Variants in DNER observed in about 807,000 individuals in gnomAD.
DNER encodes the protein delta and Notch-like epidermal growth factor-related receptor.
A neutral mutation model predicts 78.2 loss-of-function variants in DNER; 33 were observed. That is an observed-to-expected ratio of 0.42 (90% CI 0.32 to 0.56). DNER has a LOEUF of 0.56. Among genes scored for constraint, DNER ranks in the 20% least tolerant of loss-of-function variants. The pLI, the probability that DNER is intolerant of heterozygous loss-of-function variation, is 0.11. For synonymous variants in DNER, 417 were observed against 384.8 expected (o/e 1.08, Z -0.98); for missense variants, 918 against 975.3 (o/e 0.94, Z 0.78).
chr2:229,539,608 A>G (rs1234995037), intron 5 of DNER, among the ~76,000 whole-genome samples: 2 of 152,222 alleles, frequency 1.3e-5, no homozygotes, highest in Non-Finnish European at 2.9e-5. Flanking sequence ...CTCAAAACTC[A>G]GACAACTGGA....
At chr2:229,576,098 A>G (rs940213425) in intron 4 of DNER, among the ~76,000 whole-genome samples, 3 of 152,124 alleles carry the variant, frequency 2.0e-5, no homozygotes, top group Non-Finnish European at 4.4e-5. Flanking sequence ...TACCCCCACC[A>G]TTGCAGTGAG....
intron 1 of DNER, among the ~76,000 whole-genome samples, chr2:229,680,978 G>C (rs755766503): frequency 4.6e-5 from 7 of 152,190 alleles, no homozygotes; most frequent in Non-Finnish European, 8.8e-5. Flanking sequence ...GGAGTGGAGA[G>C]GAAGTTAATC....
At chr2:229,391,672 G>C (rs1693019070) in intron 10 of DNER, among the ~76,000 whole-genome samples, 1 of 152,142 alleles carries the variant, frequency 6.6e-6, no homozygotes, top group Non-Finnish European at 1.5e-5. Context: ...CTCCCCAGTA[G>C]CTGGGATTAC....
intron 4 of DNER, among the ~76,000 whole-genome samples, chr2:229,574,064 A>G (rs1697256178): frequency 6.6e-6 from 1 of 152,330 alleles, no homozygotes; most frequent in South Asian, 2.1e-4. Flanking sequence ...GTACACGTAA[A>G]TTTCAAGTTG....
chr2:229,365,603 A>AT lies in DNER; in HGVS notation c.2102+1269dup, dbSNP rs375739844. Among the ~76,000 whole-genome samples the AT allele has an allele frequency of 4.1e-3, 628 of 152,228 alleles. 6 individuals carry two copies. The highest frequency in any genetic ancestry group is 0.014 in the African/African-American group (590 of 41,534). ...AGGCACCCGCCACCATGCCTGGCTA[A>AT]TTTTTGTATTTTAGTAGAGACAGGG... On this transcript the variant is annotated intron_variant, in intron 12 of 12. Transcript: ENST00000341772.
At chr2:229,497,780 G>A (rs1428463067) in intron 6 of DNER, among the ~76,000 whole-genome samples, 1 of 152,060 alleles carries the variant, frequency 6.6e-6, no homozygotes, top group Admixed American at 6.6e-5. Flanking sequence ...TAGAAAATGT[G>A]AACAGACCAA....
At chr2:229,439,462 G>A (rs1694189914) in intron 8 of DNER, among the ~76,000 whole-genome samples, 1 of 152,164 alleles carries the variant, frequency 6.6e-6, no homozygotes, top group Non-Finnish European at 1.5e-5. Context: ...AAGTAATGCT[G>A]ATAGAGGCCA....
chr2:229,627,167 G>A (rs1698359666), intron 1 of DNER, among the ~76,000 whole-genome samples: 1 of 152,164 alleles, frequency 6.6e-6, no homozygotes, highest in African/African-American at 2.4e-5. Context: ...AATATCTAGT[G>A]CCAGCCTCAG....
At chr2:229,586,680 C>G in intron 3 of DNER, 1 of 985,536 alleles carries the variant, frequency 1.0e-6, no homozygotes, top group Non-Finnish European at 1.2e-6. Flanking sequence ...TACCCCAACC[C>G]AGTTCTTTCT....
intron 8 of DNER, among the ~76,000 whole-genome samples, chr2:229,439,697 G>T (rs72984772): frequency 6.6e-6 from 1 of 152,188 alleles, no homozygotes; most frequent in Non-Finnish European, 1.5e-5. Context: ...CAAAATAGTG[G>T]TAGGGAGGTC....
At chr2:229,619,130 CCT>C (rs1698212779) in intron 1 of DNER, among the ~76,000 whole-genome samples, 1 of 151,252 alleles carries the variant, frequency 6.6e-6, no homozygotes, top group Admixed American at 6.6e-5. Context: ...AAAGTGAAAC[CCT>C]GTCTCTAAAA....
intron 1 of DNER, among the ~76,000 whole-genome samples, chr2:229,675,263 C>T (rs1376651078): frequency 1.3e-5 from 2 of 152,204 alleles, no homozygotes; most frequent in South Asian, 2.1e-4. Flanking sequence ...AGAGGGAGAA[C>T]TTCTGAACTG....
intron 1 of DNER, among the ~76,000 whole-genome samples, chr2:229,691,989 A>G (rs1009148588): frequency 1.3e-5 from 2 of 152,214 alleles, no homozygotes; most frequent in South Asian, 2.1e-4. Context: ...GTCAGAAGTC[A>G]CTATTCAGAA....
chr2:229,434,175 G>A (rs1410704536), intron 8 of DNER, among the ~76,000 whole-genome samples: 2 of 152,302 alleles, frequency 1.3e-5, no homozygotes, highest in East Asian at 1.9e-4. Flanking sequence ...TGCAGACCAC[G>A]ATTATCTTTC....
intron 1 of DNER, among the ~76,000 whole-genome samples, chr2:229,653,756 C>T (rs1698862190): frequency 6.6e-6 from 1 of 152,178 alleles, no homozygotes; most frequent in Admixed American, 6.5e-5. Context: ...GACTTCTTTC[C>T]CTGCTGTGGC....
At chr2:229,378,819 A>C (rs1304903922) in intron 11 of DNER, among the ~76,000 whole-genome samples, 1 of 152,020 alleles carries the variant, frequency 6.6e-6, no homozygotes, top group South Asian at 2.1e-4. Context: ...AAATGTACGA[A>C]TTCTGTGTGC....
intron 5 of DNER, among the ~76,000 whole-genome samples, chr2:229,529,120 A>G (rs971212964): frequency 6.6e-6 from 1 of 152,244 alleles, no homozygotes; most frequent in African/African-American, 2.4e-5. Context: ...CATTTATTTT[A>G]GCAACGTGAG....
At chr2:229,657,110 T>G (rs1051734114) in intron 1 of DNER, among the ~76,000 whole-genome samples, 6 of 152,040 alleles carry the variant, frequency 3.9e-5, no homozygotes, top group African/African-American at 1.4e-4. Context: ...ATCCCAGAAC[T>G]TATTCATCTT....
chr2:229,379,730 A>C (rs1183273052), intron 11 of DNER, among the ~76,000 whole-genome samples: 1 of 152,218 alleles, frequency 6.6e-6, no homozygotes, highest in African/African-American at 2.4e-5. Flanking sequence ...ACTGAGGCTC[A>C]GCACAAGCAA....
Sources: gnomAD v4.1 joint callset for allele counts (sites outside exome capture counted in the v4.1 genomes callset) on GRCh38, gnomAD v4.1.1 for gene constraint, MANE v1.5 for transcripts, NCBI Gene and HGNC (gene_info 2026-07-23, HGNC 2026-07-21) for gene names.